HYDIN: variants seen among roughly 807,000 people sequenced by gnomAD.
The protein encoded by HYDIN is axonemal central pair apparatus protein HYDIN.
In HYDIN, 132 loss-of-function variants were observed where a neutral mutation model predicts 403.9. The ratio of observed to expected loss-of-function variants is 0.33; its 90% CI spans 0.28 to 0.38. The LOEUF (loss-of-function observed/expected upper bound fraction) is 0.38. HYDIN is among the 10% of genes least tolerant of loss of function. The pLI is 1.00. For missense variants in HYDIN, 2,827 were observed against 5,009.5 expected, an observed-to-expected ratio of 0.56 and a Z score of 13.15; for synonymous variants, 1,202 against 1,891.7, an observed-to-expected ratio of 0.64 and a Z score of 9.46.
At chr16:71,110,990 TCA>T (rs1347960844) in intron 10 of HYDIN, among the ~76,000 whole-genome samples, 1 of 72,308 alleles carries the variant, frequency 1.4e-5, no homozygotes. Flanking sequence ...AGCCATTTTC[TCA>T]TTCTTACATA....
rs191555326 is a variant in HYDIN at position 71,046,641 on chromosome 16, C to T, written c.2529+13863G>A. On this transcript the variant is annotated intron_variant, in intron 18 of 85. Coordinates refer to ENST00000393567, the MANE Select transcript of HYDIN (RefSeq NM_001270974.2). ...TCAGTCTCTGTCCTTTCGTTTGTGA[C>T]AGGGAAGAGAAAACGAAACAGAGGT... 4.2e-3 allele frequency among the ~76,000 whole-genome samples: 641 copies of T among 152,296 alleles called. 2 individuals carry two copies. The highest frequency in any genetic ancestry group is 6.4e-3 in the Non-Finnish European group (434 of 68,024).
chr16:71,118,226 C>A (rs2084118754), intron 9 of HYDIN, among the ~76,000 whole-genome samples: 2 of 151,874 alleles, frequency 1.3e-5, no homozygotes, highest in African/African-American at 4.8e-5. Context: ...ATGCATTGGG[C>A]AGACAGTGAA....
chr16:70,913,250 G>A (rs530360659), intron 47 of HYDIN, among the ~76,000 whole-genome samples: 39 of 152,058 alleles, frequency 2.6e-4, no homozygotes, highest in African/African-American at 8.9e-4. Flanking sequence ...TGCTCTTTCA[G>A]TCTTTTTGAT....
At chr16:70,838,654 A>G (rs1333936243) in intron 76 of HYDIN, among the ~76,000 whole-genome samples, 3 of 152,256 alleles carry the variant, frequency 2.0e-5, no homozygotes, top group East Asian at 1.9e-4. Context: ...TCCATCACTA[A>G]TTACCCAAAT....
At chr16:70,879,571 G>A (rs954278449) in intron 61 of HYDIN, 34 bp downstream of exon 61, 27 of 1,611,088 alleles carry the variant, frequency 1.7e-5, no homozygotes, top group Non-Finnish European at 2.2e-5. Context: ...CAGTCCTGCT[G>A]CAGGAGAGGG....
chr16:71,004,809 T>C (rs2079843337), intron 23 of HYDIN, among the ~76,000 whole-genome samples: 1 of 152,164 alleles, frequency 6.6e-6, no homozygotes, highest in Non-Finnish European at 1.5e-5. Flanking sequence ...TATTTATTTC[T>C]TAAATCATTG....
chr16:71,174,660 C>T (rs984021061), intron 5 of HYDIN, among the ~76,000 whole-genome samples: 2 of 152,228 alleles, frequency 1.3e-5, no homozygotes, highest in East Asian at 1.9e-4. Context: ...CTCAGGCCCC[C>T]ATACCTGCTC....
intron 64 of HYDIN, among the ~76,000 whole-genome samples, chr16:70,872,447 C>T (rs55910435): frequency 0.18 from 27,356 of 148,638 alleles, 2,820 homozygotes; most frequent in East Asian, 0.4. Context: ...CATCCATCAT[C>T]TATCCATCCA....
chr16:70,880,222 C>A (rs1359639529), intron 60 of HYDIN, among the ~76,000 whole-genome samples: 1 of 132,210 alleles, frequency 7.6e-6, no homozygotes, highest in Non-Finnish European at 1.5e-5. Flanking sequence ...CTATGCCCAG[C>A]TAATTTTTTT....
chr16:71,061,370 G>A (rs1463966469), intron 17 of HYDIN, among the ~76,000 whole-genome samples: 2 of 152,186 alleles, frequency 1.3e-5, no homozygotes, highest in African/African-American at 2.4e-5. Context: ...AAATCCTAGT[G>A]TTTTACGCTG....
chr16:70,902,844 ACT>A (rs2076432843), intron 52 of HYDIN, among the ~76,000 whole-genome samples: 2 of 86,550 alleles, frequency 2.3e-5, no homozygotes, highest in Non-Finnish European at 3.9e-5. Flanking sequence ...TTTTTGTCCC[ACT>A]CTCTCTCTTT....
chr16:71,121,843 A>G (rs1311356789), intron 9 of HYDIN, among the ~76,000 whole-genome samples: 1 of 151,930 alleles, frequency 6.6e-6, no homozygotes, highest in East Asian at 1.9e-4. Context: ...AGTTGTCTCA[A>G]AGAGGAACAG....
intron 7 of HYDIN, among the ~76,000 whole-genome samples, chr16:71,151,193 C>A (rs1185961104): frequency 6.6e-6 from 1 of 152,144 alleles, no homozygotes; most frequent in Non-Finnish European, 1.5e-5. Context: ...CAAACATTCC[C>A]CCTTTTCTTA....
At chr16:70,902,821 A>ATATATATTTTTTTTT in intron 52 of HYDIN, among the ~76,000 whole-genome samples, 3 of 47,314 alleles carry the variant, frequency 6.3e-5, no homozygotes, top group African/African-American at 3.5e-4. Context: ...ATATATATAT[A>ATATATATTTTTTTTT]TTTTTTTTTT....
chr16:70,864,967 G>A (rs1412361737), intron 67 of HYDIN, among the ~76,000 whole-genome samples: 1 of 152,002 alleles, frequency 6.6e-6, no homozygotes, highest in Non-Finnish European at 1.5e-5. Context: ...CCTGCTTTAG[G>A]TGAAATGATC....
chr16:71,137,244 C>T lies in HYDIN; in HGVS notation c.950G>A (p.Arg317Gln), dbSNP rs200044160. The T allele has an allele frequency of 8.3e-6, 6 of 726,648 alleles. No individual in the cohort carries two copies. The highest frequency in any genetic ancestry group is 2.6e-5 in the East Asian group (1 of 38,848). The allele number at this position is 726,648 out of a possible 1,614,324, so 45.0% of individuals were successfully genotyped here. ...EKTYISLANQRTITIHNRSNI... is the reference protein window; with the variant it reads ...EKTYISLANQQTITIHNRSNI... ...ACTGCGATTGTGAATGGTTATAGTT[C>T]GCTGATTGGCCAGAGATATGTAGGT... Residue 317 changes from arginine (R) to glutamine (Q), a missense_variant, in exon 8 of 86, where the codon CGA (arginine) becomes CAA (glutamine). Physicochemically the swap from Arg to Gln is conservative, Grantham distance 43. Transcript: ENST00000393567.
At chr16:70,954,355 A>T (rs75837094) in intron 40 of HYDIN, among the ~76,000 whole-genome samples, 11 of 116,190 alleles carry the variant, frequency 9.5e-5, no homozygotes, top group African/African-American at 2.3e-4. Context: ...GCTACTCTGG[A>T]GGCGAATGTG....
At chr16:70,881,254 C>T (rs1233110237) in intron 60 of HYDIN, among the ~76,000 whole-genome samples, 3 of 137,512 alleles carry the variant, frequency 2.2e-5, no homozygotes, top group African/African-American at 3.1e-5. Context: ...ATCAGTCTTC[C>T]TCACTTTTTA....
intron 1 of HYDIN, among the ~76,000 whole-genome samples, chr16:71,212,034 C>T (rs1158134863): frequency 1.3e-5 from 2 of 152,016 alleles, no homozygotes; most frequent in East Asian, 1.9e-4. Context: ...CAAAAAAAGT[C>T]GAAGGGCAAC....
Sources: allele counts gnomAD v4.1 joint callset (sites outside exome capture counted in the v4.1 genomes callset), GRCh38; gene constraint gnomAD v4.1.1; transcripts MANE v1.5; gene names NCBI Gene and HGNC (gene_info 2026-07-23, HGNC 2026-07-21).